Variants in PCDHGB6 observed in about 807,000 individuals in gnomAD.
The protein encoded by PCDHGB6 is protocadherin gamma-B6.
A neutral mutation model predicts 59.1 loss-of-function variants in PCDHGB6; 51 were observed. The observed-to-expected ratio is 0.86, with a 90% CI of 0.69 to 1.09. The LOEUF is 1.09. PCDHGB6 is among the 50% of genes least tolerant of loss of function. The pLI, the probability that PCDHGB6 is intolerant of heterozygous loss-of-function variation, is 0.00. For synonymous variants in PCDHGB6, 466 were observed against 495.1 expected (o/e 0.94, Z 0.78); for missense variants, 1,148 against 1,205.1 (o/e 0.95, Z 0.70).
chr5:141,414,413 C>T, intron 1 of PCDHGB6: 1 of 1,613,830 alleles, frequency 6.2e-7, no homozygotes. Flanking sequence ...ATACACAGAG[C>T]CCTTGACAGG....
rs766164142 is a variant in PCDHGB6, at chr5:141,477,910, G to A, written c.2419-16897G>A. On this transcript the variant is annotated intron_variant, in intron 1 of 3. Transcript: ENST00000520790. The surrounding 1 kb of genome is among the most constrained non-coding windows in gnomAD (Gnocchi z 4.9). ...TGTCACGGGTGGTAGGCTGGGACGC[G>A]GATGCAGGGCACAATGCCTGGCTCT... 6.2e-7 allele frequency: 1 copy of A among 1,614,166 alleles called. No individual in the cohort carries two copies. Among genetic ancestry groups the A allele is most frequent in the Admixed American group, 1.7e-5 (1 of 60,020 alleles).
At position 141,431,374 on chromosome 5, in the gene PCDHGB6, G is replaced by T. The variant is rs1561851775; in HGVS notation, c.2418+20754G>T. On this transcript the variant is annotated intron_variant, in intron 1 of 3. Coordinates refer to ENST00000520790, the MANE Select transcript of PCDHGB6 (RefSeq NM_018926.3). The surrounding 1 kb of genome is among the most constrained non-coding windows in gnomAD (Gnocchi z 4.8). ...AACGCGCCCTGGACCGCGAAGAAAA[G>T]GCTGCTCACCACCTGGTCCTTACGG... 1.9e-6 allele frequency: 3 copies of T among 1,613,862 alleles called. No individual in the cohort carries two copies. Among genetic ancestry groups the T allele is most frequent in the Non-Finnish European group, 2.5e-6 (3 of 1,180,044 alleles).
chr5:141,452,968 A>G (rs1028716079), intron 1 of PCDHGB6, among the ~76,000 whole-genome samples: 3 of 152,210 alleles, frequency 2.0e-5, no homozygotes, highest in Non-Finnish European at 4.4e-5. Flanking sequence ...AACTGAGGGT[A>G]TATTGTCAAA....
chr5:141,423,070 C>G, intron 1 of PCDHGB6: 1 of 1,614,132 alleles, frequency 6.2e-7, no homozygotes, highest in Non-Finnish European at 8.5e-7. Flanking sequence ...GGCCAGCGAG[C>G]CGGGACTCTT....
chr5:141,422,275 A>G (rs367711513), intron 1 of PCDHGB6: 6 of 1,560,374 alleles, frequency 3.8e-6, no homozygotes, highest in East Asian at 2.2e-5. Flanking sequence ...AGAAATAACT[A>G]TCACCTCTTC....
At chr5:141,456,702 C>T (rs1185842343) in intron 1 of PCDHGB6, among the ~76,000 whole-genome samples, 1 of 152,062 alleles carries the variant, frequency 6.6e-6, no homozygotes, top group Non-Finnish European at 1.5e-5. Flanking sequence ...TGGTGGCTCG[C>T]GCCTGTAATC....
At position 141,464,471 on chromosome 5, in the gene PCDHGB6, G is replaced by A. The variant is rs142068327; in HGVS notation, c.2419-30336G>A. On this transcript the variant is annotated intron_variant, in intron 1 of 3. Coordinates refer to ENST00000520790, the MANE Select transcript of PCDHGB6 (RefSeq NM_018926.3). ...TTGTTGTTATTTTTGAAGTATGTAC[G>A]TATAATAAATTCCTAATAGTGTGAT... Among the ~76,000 whole-genome samples, 204 of 151,612 alleles carry A rather than the reference G, an allele frequency of 1.3e-3. 1 individual carries two copies. The highest frequency in any genetic ancestry group is 2.3e-3 in the Non-Finnish European group (156 of 67,928).
intron 1 of PCDHGB6, among the ~76,000 whole-genome samples, chr5:141,424,923 T>C (rs1428936860): frequency 6.6e-6 from 1 of 152,186 alleles, no homozygotes; most frequent in African/African-American, 2.4e-5. Flanking sequence ...CCATAATCAA[T>C]TCAGTCAACA....
intron 2 of PCDHGB6, among the ~76,000 whole-genome samples, chr5:141,502,723 G>C (rs771399677): frequency 3.9e-5 from 6 of 152,124 alleles, no homozygotes; most frequent in Non-Finnish European, 8.8e-5. Flanking sequence ...TGATTACAAA[G>C]CGGTGATGTT....
intron 1 of PCDHGB6, among the ~76,000 whole-genome samples, chr5:141,468,758 C>T (rs929005462): frequency 6.6e-5 from 10 of 151,684 alleles, no homozygotes; most frequent in African/African-American, 2.2e-4. Context: ...CCCAGCTACT[C>T]GGGAGGCTGA....
chr5:141,456,139 C>T (rs999574407), intron 1 of PCDHGB6, among the ~76,000 whole-genome samples: 20 of 152,010 alleles, frequency 1.3e-4, no homozygotes, highest in Admixed American at 9.8e-4. Context: ...CCTCCTGATC[C>T]GCCCGCCTCG....
chr5:141,432,196 C>G lies in PCDHGB6; in HGVS notation c.2418+21576C>G, dbSNP rs200790843. ...TCGTCTCTGTGACCGCCCACGACCC[C>G]GACTGTGAAGAGAACGCCCAGATCA... On this transcript the variant is annotated intron_variant, in intron 1 of 3. Transcript: ENST00000520790. The surrounding 1 kb of genome is among the most constrained non-coding windows in gnomAD (Gnocchi z 6.0). The G allele has an allele frequency of 6.2e-7, 1 of 1,614,192 alleles. No individual in the cohort carries two copies. Among genetic ancestry groups the G allele is most frequent in the East Asian group, 2.2e-5 (1 of 44,880 alleles).
In PCDHGB6 at chr5:141,489,928, G is replaced by A. The variant is rs752861962; in HGVS notation, c.2419-4879G>A. ...CCGCTCAGGGACCACCCTTATCTCT[G>A]TCATCGTGCTGGACATCAATGATAA... On this transcript the variant is annotated intron_variant, in intron 1 of 3. Transcript: ENST00000520790. The surrounding 1 kb of genome is among the most constrained non-coding windows in gnomAD (Gnocchi z 4.5). 2 of 1,614,206 alleles carry A rather than the reference G, an allele frequency of 1.2e-6. No homozygotes were observed. Among genetic ancestry groups the A allele is most frequent in the Non-Finnish European group, 1.7e-6 (2 of 1,180,038 alleles).
Position 141,477,673 on chromosome 5 carries a change from G to A in PCDHGB6, c.2419-17134G>A. The A allele has an allele frequency of 1.2e-6, 2 of 1,614,168 alleles. No individual in the cohort carries two copies. The highest frequency in any genetic ancestry group is 8.5e-7 in the Non-Finnish European group (1 of 1,180,050). ...CAATAAATCGTGACAATGGCATAGT[G>A]TCATCCTTAGTGCCCCTAGACTATG... On this transcript the variant is annotated intron_variant, in intron 1 of 3. Coordinates refer to ENST00000520790, the MANE Select transcript of PCDHGB6 (RefSeq NM_018926.3). This position sits in a 1 kb window ranked among gnomAD's most constrained non-coding sequence, Gnocchi z 4.9.
chr5:141,430,882 A>G, intron 1 of PCDHGB6: 3 of 1,601,068 alleles, frequency 1.9e-6, no homozygotes, highest in Non-Finnish European at 2.6e-6. Context: ...AGCTGGAGAA[A>G]GGCTCTAGGG....
intron 2 of PCDHGB6, among the ~76,000 whole-genome samples, chr5:141,501,290 T>TACACATACAC (rs1224133816): frequency 4.6e-4 from 62 of 136,246 alleles, no homozygotes; most frequent in Admixed American, 7.0e-4. Flanking sequence ...TATTCCCTTA[T>TACACATACAC]ACACACACAC....
intron 1 of PCDHGB6, among the ~76,000 whole-genome samples, chr5:141,447,527 A>C (rs1278828003): frequency 6.6e-6 from 1 of 152,224 alleles, no homozygotes; most frequent in East Asian, 1.9e-4. Flanking sequence ...TCATAACAAA[A>C]TTGTTGGGTT....
intron 2 of PCDHGB6, among the ~76,000 whole-genome samples, chr5:141,500,812 T>C: frequency 6.6e-6 from 1 of 152,322 alleles, no homozygotes; most frequent in South Asian, 2.1e-4. Flanking sequence ...CATATGAATA[T>C]ACATATTATT....
At chr5:141,414,279 A>C in intron 1 of PCDHGB6, 1 of 1,613,350 alleles carries the variant, frequency 6.2e-7, no homozygotes, top group Non-Finnish European at 8.5e-7. Flanking sequence ...CTCTGGGAAC[A>C]GTCGTAGCCC....
Sources: gnomAD v4.1 joint callset for allele counts (sites outside exome capture counted in the v4.1 genomes callset) on GRCh38, gnomAD v4.1.1 for gene constraint, Gnocchi (gnomAD v3.1) non-coding constraint, MANE v1.5 for transcripts, NCBI Gene and HGNC (gene_info 2026-07-23, HGNC 2026-07-21) for gene names.